PAFAH1B1: variants seen among roughly 807,000 people sequenced by gnomAD.
PAFAH1B1 encodes the protein platelet-activating factor acetylhydrolase IB subunit beta.
In PAFAH1B1, 2 loss-of-function variants were observed where a neutral mutation model predicts 57.5. That is an observed-to-expected ratio of 0.03 (90% CI 0.01 to 0.11). The LOEUF (loss-of-function observed/expected upper bound fraction) is 0.11, where lower values mean the gene tolerates loss of function less well. PAFAH1B1 is among the 10% of genes least tolerant of loss of function. PAFAH1B1 has a pLI of 1.00. For synonymous variants in PAFAH1B1, 152 were observed against 169.6 expected (o/e 0.90, Z 0.81); for missense variants, 257 against 512.0 (o/e 0.50, Z 4.81).
chr17:2,594,037 C>G, intron 1 of PAFAH1B1, 31 bp downstream of exon 1: 1 of 398,206 alleles, frequency 2.5e-6, no homozygotes, highest in Non-Finnish European at 4.4e-6. Flanking sequence ...GCCCTCCCCT[C>G]TGTCTCCTCC....
intron 1 of PAFAH1B1, among the ~76,000 whole-genome samples, chr17:2,614,541 T>G (rs1269116750): frequency 6.6e-6 from 1 of 152,156 alleles, no homozygotes; most frequent in Non-Finnish European, 1.5e-5. Flanking sequence ...GACTAGATAG[T>G]TATATAATGA....
rs556845006 is a variant in PAFAH1B1, at chr17:2,652,707, C to T, written c.33-12665C>T. ...ATAGCTGCACATGTTCATGTAGTGGCGTTAGATGCCAAATAGTTCTAGGGC... is the reference window on the plus strand; with the variant it reads ...ATAGCTGCACATGTTCATGTAGTGGTGTTAGATGCCAAATAGTTCTAGGGC... On this transcript the variant is annotated intron_variant, in intron 2 of 10. Transcript: ENST00000397195. Among the ~76,000 whole-genome samples the T allele has an allele frequency of 7.2e-5, 11 of 152,184 alleles. No individual in the cohort carries two copies. The South Asian group carries it at 1.2e-3, about 17-fold the overall frequency.
chr17:2,634,223 G>A (rs1027766310), intron 1 of PAFAH1B1, among the ~76,000 whole-genome samples: 5 of 151,898 alleles, frequency 3.3e-5, no homozygotes, highest in African/African-American at 1.2e-4. Context: ...TGCAACCTCC[G>A]CCTCCCAGGT....
chr17:2,613,886 G>A (rs2068301634), intron 1 of PAFAH1B1: 2 of 205,702 alleles, frequency 9.7e-6, no homozygotes, highest in South Asian at 1.6e-4. Flanking sequence ...CAGAAAGGGG[G>A]GCCTGAAATG....
rs768898331 is a variant in PAFAH1B1, at chr17:2,638,148, A to G, written c.-141A>G. 7 of 632,588 alleles carry G rather than the reference A, an allele frequency of 1.1e-5. No homozygotes were observed. Among genetic ancestry groups the G allele is most frequent in the Non-Finnish European group, 1.1e-5 (4 of 352,388 alleles). The allele number at this position is 632,588 out of a possible 1,614,324, so 39.2% of individuals were successfully genotyped here. A position where few individuals can be genotyped will look rare whatever the true frequency, so the allele number is the denominator to read the frequency against. ...TATCTTCTGGTTACTAGTTGGATTC[A>G]TTTGTGAAAGAATCATTTTCCCCTG... On this transcript the variant is annotated 5_prime_UTR_variant, in exon 2 of 11. Coordinates refer to ENST00000397195, the MANE Select transcript of PAFAH1B1 (RefSeq NM_000430.4).
At position 2,638,152 on chromosome 17, in the gene PAFAH1B1, G is replaced by A. The variant is rs540595730; in HGVS notation, c.-137G>A. 6.0e-5 allele frequency: 38 copies of A among 637,122 alleles called. 1 individual carries two copies. The African/African-American group carries it at 6.1e-4, about 10-fold the overall frequency. 39.5% of individuals were successfully genotyped at this position (637,122 alleles called of 1,614,324 possible). A position where few individuals can be genotyped will look rare whatever the true frequency, so the allele number is the denominator to read the frequency against. Reference sequence around the variant, plus strand: ...TTCTGGTTACTAGTTGGATTCATTTGTGAAAGAATCATTTTCCCCTGTGTG... The same window carrying A: ...TTCTGGTTACTAGTTGGATTCATTTATGAAAGAATCATTTTCCCCTGTGTG... On this transcript the variant is annotated 5_prime_UTR_variant, in exon 2 of 11. It adds an upstream start codon to the 5' untranslated region. Transcript: ENST00000397195.
chr17:2,679,952 A>T (rs2069352284), intron 9 of PAFAH1B1: 1 of 569,150 alleles, frequency 1.8e-6, no homozygotes, highest in Non-Finnish European at 3.1e-6. Context: ...CTTCTTTTTA[A>T]CCCTCATCCA....
At chr17:2,681,031 C>G (rs537028537) in intron 10 of PAFAH1B1, 17 of 157,872 alleles carry the variant, frequency 1.1e-4, no homozygotes, top group African/African-American at 4.1e-4. Context: ...TTACAGTGTG[C>G]TGTGCTGATG....
chr17:2,670,507 A>C, intron 6 of PAFAH1B1, 176 bp downstream of exon 6: 1 of 623,720 alleles, frequency 1.6e-6, no homozygotes. Context: ...AGTGCTTTCT[A>C]TTAGGAAGTT....
At chr17:2,679,708 T>C (rs1196231545) in intron 9 of PAFAH1B1, 1 of 213,110 alleles carries the variant, frequency 4.7e-6, no homozygotes, top group Non-Finnish European at 9.5e-6. Context: ...TATCCTTCAC[T>C]TAGTTACCAT....
upstream of PAFAH1B1, chr17:2,593,435 A>T (rs2068043024): frequency 6.6e-6 from 1 of 152,604 alleles, no homozygotes; most frequent in South Asian, 1.9e-4. Flanking sequence ...GAGAAGCAGC[A>T]CCTCGCACGC....
rs57918293 is a variant in PAFAH1B1, at chr17:2,662,378, T to TTGTGTGTGTGTGTG, written c.33-2961_33-2948dup. ...AACCATTTTTATTTTTTTAACCTCTTTGTGTGTGTGTGTGTGTGTGTGTGT... is the reference window on the plus strand; with the variant it reads ...AACCATTTTTATTTTTTTAACCTCTTTGTGTGTGTGTGTGTGTGTGTGTGTGTGTGTGTGTGTGT... On this transcript the variant is annotated intron_variant, in intron 2 of 10. Coordinates refer to ENST00000397195, the MANE Select transcript of PAFAH1B1 (RefSeq NM_000430.4). Among the ~76,000 whole-genome samples the TTGTGTGTGTGTGTG allele has an allele frequency of 2.6e-4, 32 of 123,780 alleles. 1 individual carries two copies. The highest frequency in any genetic ancestry group is 1.9e-3 in the East Asian group (7 of 3,724). The allele number at this position is 123,780 out of a possible 152,430, so 81.2% of individuals were successfully genotyped here.
chr17:2,594,299 C>A (rs891103138), intron 1 of PAFAH1B1, among the ~76,000 whole-genome samples: 1 of 152,232 alleles, frequency 6.6e-6, no homozygotes, highest in Non-Finnish European at 1.5e-5. Flanking sequence ...GCCTCTGCGA[C>A]CCCCGCCCCG....
chr17:2,671,497 G>A (rs188082532), intron 6 of PAFAH1B1, among the ~76,000 whole-genome samples: 4 of 148,886 alleles, frequency 2.7e-5, no homozygotes, highest in African/African-American at 7.4e-5. Context: ...GCCACGTAAG[G>A]TCTATCATTT....
chr17:2,663,266 AAAAAT>A (rs370546465), intron 2 of PAFAH1B1, among the ~76,000 whole-genome samples: 173 of 152,310 alleles, frequency 1.1e-3, no homozygotes, highest in African/African-American at 3.2e-3. Context: ...CAACAGAGCA[AAAAAT>A]AAAATAAAAT....
At chr17:2,627,874 C>T (rs1416605101) in intron 1 of PAFAH1B1, among the ~76,000 whole-genome samples, 1 of 152,148 alleles carries the variant, frequency 6.6e-6, no homozygotes, top group Admixed American at 6.5e-5. Flanking sequence ...ATTTGATCCT[C>T]TGCTTAGTTG....
At chr17:2,595,571 A>G (rs1207691467) in intron 1 of PAFAH1B1, among the ~76,000 whole-genome samples, 1 of 152,158 alleles carries the variant, frequency 6.6e-6, no homozygotes, top group African/African-American at 2.4e-5. Flanking sequence ...GTTTTAAGGC[A>G]TTAGCTAGCT....
chr17:2,649,935 C>G (rs570059971), intron 2 of PAFAH1B1, among the ~76,000 whole-genome samples: 3 of 152,186 alleles, frequency 2.0e-5, no homozygotes, highest in East Asian at 3.9e-4. Context: ...GTATTAAAAG[C>G]CTTAATGTTG....
intron 2 of PAFAH1B1, among the ~76,000 whole-genome samples, chr17:2,657,815 CCTT>C (rs1403503830): frequency 4.6e-5 from 7 of 152,176 alleles, no homozygotes; most frequent in Admixed American, 4.6e-4. Flanking sequence ...TATAACTTAA[CCTT>C]CTTTTATATT....
Sources: allele counts gnomAD v4.1 joint callset (sites outside exome capture counted in the v4.1 genomes callset), GRCh38; gene constraint gnomAD v4.1.1; transcripts MANE v1.5; gene names NCBI Gene and HGNC (gene_info 2026-07-23, HGNC 2026-07-21).